Variants in ELMO1 observed in about 807,000 individuals in gnomAD.
The protein encoded by ELMO1 is engulfment and cell motility protein 1.
Under a neutral mutation model 98.9 loss-of-function variants are expected in ELMO1, and 26 were observed. The ratio of observed to expected loss-of-function variants is 0.26; its 90% CI spans 0.19 to 0.36. ELMO1 has a LOEUF of 0.36. Ranked by LOEUF, ELMO1 falls within the 10% of genes least tolerant of loss-of-function variation. The pLI is 1.00. For missense variants in ELMO1, 627 were observed against 935.2 expected, an observed-to-expected ratio of 0.67 and a Z score of 4.30; for synonymous variants, 346 against 346.0, an observed-to-expected ratio of 1.00 and a Z score of 0.00.
At chr7:37,310,961 A>G (rs1798860580) in intron 4 of ELMO1, among the ~76,000 whole-genome samples, 1 of 149,748 alleles carries the variant, frequency 6.7e-6, no homozygotes, top group South Asian at 2.2e-4. Flanking sequence ...TCAAAAGACA[A>G]ATTCCACCTA....
In ELMO1 at chr7:37,342,956, C is replaced by T; in HGVS notation, c.-73-193G>A. The T allele has an allele frequency of 2.6e-6, 1 of 379,700 alleles. No homozygotes were observed. The highest frequency in any genetic ancestry group is 4.8e-6 in the Non-Finnish European group (1 of 209,766). 23.5% of individuals were successfully genotyped at this position (379,700 alleles called of 1,614,324 possible). ...TGAGGAAAGAAGAAAGATGGGGGTGCCCGTGCCAACGCCCTTGAGTCAAAG... is the reference window on the plus strand; with the variant it reads ...TGAGGAAAGAAGAAAGATGGGGGTGTCCGTGCCAACGCCCTTGAGTCAAAG... On this transcript the variant is annotated intron_variant, in intron 1 of 21. Transcript: ENST00000310758. The surrounding 1 kb of genome is among the most constrained non-coding windows in gnomAD (Gnocchi z 4.3).
At chr7:37,115,396 CCA>C (rs1785522191) in intron 14 of ELMO1, among the ~76,000 whole-genome samples, 1 of 152,066 alleles carries the variant, frequency 6.6e-6, no homozygotes, top group Admixed American at 6.6e-5. Context: ...GAATTATGCA[CCA>C]CAACCGAGTA....
chr7:37,032,358 C>T (rs1238695256), intron 15 of ELMO1, among the ~76,000 whole-genome samples: 1 of 152,170 alleles, frequency 6.6e-6, no homozygotes, highest in African/African-American at 2.4e-5. Flanking sequence ...TTCATCAGAG[C>T]AGCACAGATA....
chr7:37,211,536 AAAAAG>A lies in ELMO1; in HGVS notation c.955-24_955-20del, dbSNP rs1792971852. ...TCTGAGCCTGAAGGAATCAGGGAGT[AAAAAG>A]AAAAGGGAGGGGAAAAAGCTGCTTT... is the stretch of plus-strand genomic sequence containing the variant. On this transcript the variant is annotated intron_variant, in intron 12 of 21. Transcript: ENST00000310758. 5.6e-6 allele frequency: 9 copies of A among 1,611,676 alleles called. No individual in the cohort carries two copies. The highest frequency in any genetic ancestry group is 1.3e-5 in the African/African-American group (1 of 74,814).
At chr7:37,435,771 G>A (rs1805117620) in intron 1 of ELMO1, among the ~76,000 whole-genome samples, 1 of 152,112 alleles carries the variant, frequency 6.6e-6, no homozygotes, top group African/African-American at 2.4e-5. Context: ...CTTATGACTG[G>A]AAGGATGTCT....
At position 37,367,158 on chromosome 7, in the gene ELMO1, G is replaced by A. The variant is rs916807034; in HGVS notation, c.-73-24395C>T. ...TTCATCTGCTGTTCCTGAACTTCCC[G>A]CAGCTGACTTTCTCACTGTATTTGG... On this transcript the variant is annotated intron_variant, in intron 1 of 21. Coordinates refer to ENST00000310758, the MANE Select transcript of ELMO1 (RefSeq NM_014800.11). Among the ~76,000 whole-genome samples the A allele has an allele frequency of 2.0e-5, 3 of 152,232 alleles. No homozygotes were observed. The East Asian group carries it at 5.8e-4, about 29-fold the overall frequency.
chr7:37,052,453 G>A (rs902299940), intron 15 of ELMO1, among the ~76,000 whole-genome samples: 18 of 152,014 alleles, frequency 1.2e-4, no homozygotes, highest in Non-Finnish European at 2.4e-4. Context: ...AGCTCTCATC[G>A]AACCCTTAAG....
chr7:37,069,625 T>C (rs1173648906), intron 15 of ELMO1, among the ~76,000 whole-genome samples: 1 of 152,194 alleles, frequency 6.6e-6, no homozygotes, highest in Non-Finnish European at 1.5e-5. Context: ...CCCAAACTTA[T>C]AATTTATTTC....
At chr7:36,875,266 C>CTT (rs3832465) in intron 19 of ELMO1, among the ~76,000 whole-genome samples, 46 of 151,344 alleles carry the variant, frequency 3.0e-4, no homozygotes, top group South Asian at 1.3e-3. Flanking sequence ...TTAGGCCGGG[C>CTT]TTTTTTTTTG....
chr7:37,373,936 TAA>T (rs1208859605), intron 1 of ELMO1, among the ~76,000 whole-genome samples: 1 of 152,236 alleles, frequency 6.6e-6, no homozygotes, highest in African/African-American at 2.4e-5. Context: ...TTAATATTTC[TAA>T]AGATATATTG....
intron 16 of ELMO1, among the ~76,000 whole-genome samples, chr7:36,906,024 A>G (rs1189782984): frequency 1.3e-5 from 2 of 152,218 alleles, no homozygotes; most frequent in African/African-American, 2.4e-5. Context: ...GATTTGATAA[A>G]CTTTTCCTAA....
At chr7:36,938,740 G>A (rs1185783345) in intron 16 of ELMO1, among the ~76,000 whole-genome samples, 1 of 152,170 alleles carries the variant, frequency 6.6e-6, no homozygotes, top group Non-Finnish European at 1.5e-5. Flanking sequence ...CTGTGTTCTT[G>A]GATGGGAAAA....
At chr7:37,144,742 T>C (rs1718103309) in intron 13 of ELMO1, among the ~76,000 whole-genome samples, 1 of 152,106 alleles carries the variant, frequency 6.6e-6, no homozygotes, top group African/African-American at 2.4e-5. Flanking sequence ...TTTGGGAAAG[T>C]AGTACCAACC....
chr7:36,974,619 G>A (rs187369193), intron 16 of ELMO1, among the ~76,000 whole-genome samples: 383 of 147,374 alleles, frequency 2.6e-3, no homozygotes, highest in South Asian at 5.4e-3. Context: ...CAGACCACTC[G>A]GCTCTACCAA....
chr7:37,420,920 CA>C (rs1308237381), intron 1 of ELMO1, among the ~76,000 whole-genome samples: 1 of 152,140 alleles, frequency 6.6e-6, no homozygotes, highest in Non-Finnish European at 1.5e-5. Context: ...TTCTTACTTC[CA>C]ACCCAAGCAA....
intron 15 of ELMO1, among the ~76,000 whole-genome samples, chr7:37,024,671 C>CA (rs1794467738): frequency 6.6e-6 from 1 of 152,132 alleles, no homozygotes; most frequent in African/African-American, 2.4e-5. Flanking sequence ...ATGGGAATAA[C>CA]AAAAACTCAT....
chr7:37,329,160 T>C (rs754820248), intron 2 of ELMO1, among the ~76,000 whole-genome samples: 40 of 152,126 alleles, frequency 2.6e-4, no homozygotes, highest in Non-Finnish European at 4.9e-4. Context: ...CCTCTTTGCA[T>C]ATGGAGGAGC....
intron 15 of ELMO1, among the ~76,000 whole-genome samples, chr7:37,018,083 C>T (rs560480663): frequency 6.6e-6 from 1 of 152,144 alleles, no homozygotes; most frequent in East Asian, 1.9e-4. Flanking sequence ...CAGTAAAGTG[C>T]CTAGCACATG....
At chr7:37,336,275 A>G (rs1310172948) in intron 2 of ELMO1, among the ~76,000 whole-genome samples, 1 of 152,162 alleles carries the variant, frequency 6.6e-6, no homozygotes, top group Non-Finnish European at 1.5e-5. Flanking sequence ...TACATGATAT[A>G]ACCTCAAAAA....
Sources: allele counts gnomAD v4.1 joint callset (sites outside exome capture counted in the v4.1 genomes callset), GRCh38; gene constraint gnomAD v4.1.1; non-coding constraint Gnocchi (gnomAD v3.1); transcripts MANE v1.5; gene names NCBI Gene and HGNC (gene_info 2026-07-23, HGNC 2026-07-21).